Variants in LRRC71 observed in about 807,000 individuals in gnomAD.
LRRC71 encodes leucine rich repeat containing 71, also known as leucine-rich repeat-containing protein 71.
Under a neutral mutation model 66.6 loss-of-function variants are expected in LRRC71, and 54 were observed. The observed-to-expected ratio is 0.81, with a 90% confidence interval of 0.65 to 1.02. The LOEUF (loss-of-function observed/expected upper bound fraction) is 1.02. Ranked by LOEUF, LRRC71 falls within the 50% of genes least tolerant of loss-of-function variation. The pLI is 0.00. For missense variants in LRRC71, 724 were observed against 718.0 expected, an observed-to-expected ratio of 1.01 and a Z score of -0.10; for synonymous variants, 323 against 303.9, an observed-to-expected ratio of 1.06 and a Z score of -0.65.
chr1:156,938,321 GGT>G, the LRRC71 span: 57 of 1,108,424 alleles, frequency 5.1e-5, no homozygotes, highest in Admixed American at 1.3e-4. Context: ...GGAGCTTGTG[GGT>G]GTGTGTGTGA....
chr1:156,920,736 C>G lies in LRRC71; in HGVS notation c.-68C>G. ...CTGATTCAGCCACCCCCAGACTGAG[C>G]CCCGTAGAGTGCGTTCTTACCTTCC... On this transcript the variant is annotated 5_prime_UTR_variant, in exon 1 of 15. Transcript: ENST00000337428. The surrounding 1 kb of genome is among the most constrained non-coding windows in gnomAD (Gnocchi z 4.9). 1 of 1,419,860 alleles carries G rather than the reference C, an allele frequency of 7.0e-7. No homozygotes were observed. Among genetic ancestry groups the G allele is most frequent in the South Asian group, 1.6e-5 (1 of 62,414 alleles). The allele number at this position is 1,419,860 out of a possible 1,614,324, so 88.0% of individuals were successfully genotyped here.
downstream of LRRC71, chr1:156,936,024 G>C (rs199728828): frequency 1.2e-6 from 2 of 1,613,836 alleles, no homozygotes; most frequent in Non-Finnish European, 1.7e-6. Flanking sequence ...ACGCGGCTGC[G>C]TCTGCTGTGC....
At chr1:156,940,458 G>A in the LRRC71 span, 1 of 1,571,988 alleles carries the variant, frequency 6.4e-7, no homozygotes, top group East Asian at 2.3e-5. Context: ...GTAAGGCAGG[G>A]AAAGGGAGAG....
downstream of LRRC71, among the ~76,000 whole-genome samples, chr1:156,936,495 A>ATATATATAT (rs1330599702): frequency 3.3e-3 from 190 of 56,920 alleles, no homozygotes; most frequent in East Asian, 0.013. Flanking sequence ...AAAAAAAAAA[A>ATATATATAT]AAATATATAT....
chr1:156,923,242 C>T (rs558808177), intron 1 of LRRC71, among the ~76,000 whole-genome samples: 23 of 152,308 alleles, frequency 1.5e-4, no homozygotes, highest in African/African-American at 5.1e-4. Context: ...CAGGGACTCC[C>T]ATCCTATCTC....
chr1:156,930,048 T>TTCTTTCTTTCTTTC (rs1553189679), intron 11 of LRRC71, among the ~76,000 whole-genome samples: 2 of 135,070 alleles, frequency 1.5e-5, no homozygotes, highest in African/African-American at 6.0e-5. Context: ...TTCTTTCTCT[T>TTCTTTCTTTCTTTC]TCTTTCTTTC....
downstream of LRRC71, among the ~76,000 whole-genome samples, chr1:156,933,324 G>A (rs191898816): frequency 6.6e-6 from 1 of 152,346 alleles, no homozygotes; most frequent in Admixed American, 6.5e-5. Context: ...TAGGGGACAT[G>A]CATTATGCCA....
chr1:156,937,797 T>A (rs1571120654), downstream of LRRC71, among the ~76,000 whole-genome samples: 2 of 152,184 alleles, frequency 1.3e-5, no homozygotes, highest in Admixed American at 1.3e-4. Flanking sequence ...TGGCTCCCCC[T>A]CCTTGAGTAA....
intron 1 of LRRC71, 139 bp downstream of exon 1, chr1:156,921,102 T>C (rs1652293168): frequency 3.7e-6 from 4 of 1,083,254 alleles, no homozygotes; most frequent in Admixed American, 7.5e-5. Flanking sequence ...TTGATAGATG[T>C]TTCAATTGAA....
At chr1:156,934,537 ATGTGTG>A (rs763839185), downstream of LRRC71, among the ~76,000 whole-genome samples, 1 of 151,678 alleles carries the variant, frequency 6.6e-6, no homozygotes, top group Non-Finnish European at 1.5e-5. Context: ...GTGTATATAT[ATGTGTG>A]TGTGTGTGTA....
downstream of LRRC71, among the ~76,000 whole-genome samples, chr1:156,937,804 G>A (rs1388402058): frequency 6.6e-6 from 1 of 152,258 alleles, no homozygotes; most frequent in Admixed American, 6.5e-5. Context: ...CCCTCCTTGA[G>A]TAAACAGATT....
At position 156,920,967 on chromosome 1, in the gene LRRC71, C is replaced by G. The variant is rs1652264614; in HGVS notation, c.160+4C>G. The stretch of plus-strand genomic sequence containing the variant: ...GAGGAGGAGCCCAAAAGCCCTGGTA[C>G]GCTGGCGCCGGGGTTTGGGGATCGG... On this transcript the variant is annotated splice_donor_region_variant and intron_variant, in intron 1 of 14. Coordinates refer to ENST00000337428, the MANE Select transcript of LRRC71 (RefSeq NM_144702.3). The surrounding 1 kb of genome is among the most constrained non-coding windows in gnomAD (Gnocchi z 4.9). The G allele has an allele frequency of 2.0e-6, 3 of 1,498,346 alleles. No homozygotes were observed. The highest frequency in any genetic ancestry group is 2.3e-5 in the Admixed American group (1 of 43,088). 92.8% of individuals were successfully genotyped at this position (1,498,346 alleles called of 1,614,324 possible).
intron 5 of LRRC71, 74 bp from the exon 6 acceptor site, chr1:156,927,128 C>G: frequency 7.6e-7 from 1 of 1,324,076 alleles, no homozygotes; most frequent in Non-Finnish European, 1.1e-6. Flanking sequence ...CAGAGACGCA[C>G]ACTTCCTCTC....
chr1:156,932,726 A>G, intron 14 of LRRC71, 127 bp from the exon 15 acceptor site: 1 of 1,514,524 alleles, frequency 6.6e-7, no homozygotes. Context: ...AGCAGTATTA[A>G]TCACTCTGCT....
At chr1:156,940,359 C>G in the LRRC71 span, 1 of 1,613,660 alleles carries the variant, frequency 6.2e-7, no homozygotes, top group Non-Finnish European at 8.5e-7. Context: ...CTCTGCACTG[C>G]CCTCCTGCTC....
intron 11 of LRRC71, among the ~76,000 whole-genome samples, chr1:156,930,046 CTTTCTTTCTTTCTT>C (rs1553189676): frequency 7.2e-5 from 9 of 125,224 alleles, no homozygotes; most frequent in African/African-American, 1.7e-4. Flanking sequence ...CTTTCTTTCT[CTTTCTTTCTTTCTT>C]TTTCTTTCTT....
rs752892877 is a variant in LRRC71 at position 156,927,196 on chromosome 1, C to G, written c.594-6C>G. On this transcript the variant is annotated splice_region_variant and splice_polypyrimidine_tract_variant and intron_variant, in intron 5 of 14. Coordinates refer to ENST00000337428, the MANE Select transcript of LRRC71 (RefSeq NM_144702.3). ...CTTCTGGTTCTCAGATCTCCCCTGC[C>G]CTCAGGAAGGTGTCTCTGGAGGGGA... 1.2e-6 allele frequency: 2 copies of G among 1,610,972 alleles called. No homozygotes were observed. The highest frequency in any genetic ancestry group is 1.7e-6 in the Non-Finnish European group (2 of 1,178,660).
chr1:156,922,171 T>C (rs561141756), intron 1 of LRRC71, among the ~76,000 whole-genome samples: 1 of 152,032 alleles, frequency 6.6e-6, no homozygotes, highest in African/African-American at 2.4e-5. Flanking sequence ...AGTTGTGACT[T>C]TGGGAGCTGC....
At chr1:156,939,399 C>A in the LRRC71 span, 3 of 1,049,162 alleles carry the variant, frequency 2.9e-6, no homozygotes, top group Admixed American at 4.6e-5. Flanking sequence ...TGCCTGATAT[C>A]GGCGTTGTCT....
Sources: allele counts gnomAD v4.1 joint callset (sites outside exome capture counted in the v4.1 genomes callset), GRCh38; gene constraint gnomAD v4.1.1; non-coding constraint Gnocchi (gnomAD v3.1); transcripts MANE v1.5; gene names NCBI Gene and HGNC (gene_info 2026-07-23, HGNC 2026-07-21).